Variants in PDGFC observed in about 807,000 individuals in gnomAD.
PDGFC encodes the protein platelet derived growth factor C, also known as platelet-derived growth factor C.
A neutral mutation model predicts 35.5 loss-of-function variants in PDGFC; 12 were observed. That is an observed-to-expected ratio of 0.34 (90% CI 0.22 to 0.55). The LOEUF is 0.55. Ranked by LOEUF, PDGFC falls within the 20% of genes least tolerant of loss-of-function variation. The probability of loss-of-function intolerance (pLI) is 0.91; values close to 1 mark genes in which losing one functional copy is unlikely to be tolerated. For synonymous variants in PDGFC, 159 were observed against 148.8 expected, an observed-to-expected ratio of 1.07 and a Z score of -0.50; for missense variants, 322 against 412.4, an observed-to-expected ratio of 0.78 and a Z score of 1.90.
At chr4:156,773,377 T>A (rs893270302) in intron 3 of PDGFC, among the ~76,000 whole-genome samples, 13 of 152,156 alleles carry the variant, frequency 8.5e-5, no homozygotes, top group African/African-American at 1.9e-4. Context: ...AAGAACTTAT[T>A]AATCAAGATA....
At chr4:156,907,568 T>C (rs1730944312) in intron 1 of PDGFC, among the ~76,000 whole-genome samples, 2 of 152,160 alleles carry the variant, frequency 1.3e-5, no homozygotes, top group Non-Finnish European at 1.5e-5. Flanking sequence ...GTCCTCATGG[T>C]TGAAAAGAAT....
At chr4:156,894,658 A>C (rs2111203055) in intron 1 of PDGFC, among the ~76,000 whole-genome samples, 1 of 152,338 alleles carries the variant, frequency 6.6e-6, no homozygotes, top group Non-Finnish European at 1.5e-5. Flanking sequence ...GTTAAATAGA[A>C]GATAAAATTG....
chr4:156,888,406 T>C (rs1338939154), intron 1 of PDGFC, among the ~76,000 whole-genome samples: 1 of 152,226 alleles, frequency 6.6e-6, no homozygotes, highest in Non-Finnish European at 1.5e-5. Context: ...GCAATTACAA[T>C]TTAATTTAGT....
intron 3 of PDGFC, chr4:156,774,347 G>A (rs965299383): frequency 1.3e-4 from 20 of 152,142 alleles, no homozygotes; most frequent in African/African-American, 4.3e-4. Context: ...CTCTCCCCCC[G>A]TTGATCCACA....
At chr4:156,930,049 T>C (rs752441636) in intron 1 of PDGFC, among the ~76,000 whole-genome samples, 2 of 152,240 alleles carry the variant, frequency 1.3e-5, no homozygotes, top group Non-Finnish European at 2.9e-5. Flanking sequence ...CTGGATTGAT[T>C]TGTCATTAGA....
At chr4:156,937,623 C>A (rs994813284) in intron 1 of PDGFC, among the ~76,000 whole-genome samples, 8 of 152,044 alleles carry the variant, frequency 5.3e-5, no homozygotes, top group Admixed American at 3.3e-4. Context: ...TCACATGAGC[C>A]CCAGGAGGTT....
chr4:156,826,550 G>A (rs995559386), intron 2 of PDGFC, among the ~76,000 whole-genome samples: 3 of 152,072 alleles, frequency 2.0e-5, no homozygotes, highest in African/African-American at 7.2e-5. Flanking sequence ...AGGTGAAGAT[G>A]AGTCAAATTT....
chr4:156,939,273 T>G (rs568455343), intron 1 of PDGFC, among the ~76,000 whole-genome samples: 1 of 152,220 alleles, frequency 6.6e-6, no homozygotes, highest in South Asian at 2.1e-4. Flanking sequence ...TATCTTACAT[T>G]GTATTATACA....
At chr4:156,867,330 TAC>T (rs1729868656) in intron 1 of PDGFC, among the ~76,000 whole-genome samples, 1 of 152,336 alleles carries the variant, frequency 6.6e-6, no homozygotes, top group Admixed American at 6.5e-5. Flanking sequence ...GCTCTACACA[TAC>T]CAGTGCAATC....
chr4:156,809,383 G>A (rs559268519), intron 3 of PDGFC, among the ~76,000 whole-genome samples: 1 of 152,120 alleles, frequency 6.6e-6, no homozygotes, highest in South Asian at 2.1e-4. Flanking sequence ...TCTTAGCCAA[G>A]AGGATGGATG....
intron 3 of PDGFC, among the ~76,000 whole-genome samples, chr4:156,800,726 T>C (rs1731581271): frequency 1.3e-5 from 2 of 152,170 alleles, no homozygotes; most frequent in African/African-American, 4.8e-5. Flanking sequence ...ACATGCTAAA[T>C]AGCTCATCAA....
intron 2 of PDGFC, among the ~76,000 whole-genome samples, chr4:156,848,841 G>A (rs1275117988): frequency 1.3e-5 from 2 of 151,902 alleles, no homozygotes; most frequent in African/African-American, 4.8e-5. Context: ...GTGTCACATG[G>A]CTCTCTTGGT....
rs149696402 is a variant in PDGFC at position 156,850,683 on chromosome 4, C to G, written c.119-267G>C. ...TAATTACTGAAACGTCAACTACAAA[C>G]TCTTTTGGAGTCCTAAAATCACAAT... On this transcript the variant is annotated intron_variant, in intron 1 of 5. Coordinates refer to ENST00000502773, the MANE Select transcript of PDGFC (RefSeq NM_016205.3). Among the ~76,000 whole-genome samples, 131 of 152,212 alleles carry G rather than the reference C, an allele frequency of 8.6e-4. 2 individuals are homozygous for G. The East Asian group carries it at 0.023, about 26-fold the overall frequency.
intron 2 of PDGFC, among the ~76,000 whole-genome samples, chr4:156,813,146 T>G (rs1731986248): frequency 6.6e-6 from 1 of 152,042 alleles, no homozygotes; most frequent in South Asian, 2.1e-4. Flanking sequence ...GCAGAAACGT[T>G]GATAATCATC....
In PDGFC at chr4:156,953,933, T is replaced by C. The variant is rs1463734273; in HGVS notation, c.118+16853A>G. ...CACTAAATGCCATTCCTTCTCATTC[T>C]GGCTGACTTCAAATATGAATATAAA... On this transcript the variant is annotated intron_variant, in intron 1 of 5. Coordinates refer to ENST00000502773, the MANE Select transcript of PDGFC (RefSeq NM_016205.3). Among the ~76,000 whole-genome samples, 3 of 152,000 alleles carry C rather than the reference T, an allele frequency of 2.0e-5. No individual in the cohort carries two copies. The East Asian group carries it at 5.8e-4, about 29-fold the overall frequency.
chr4:156,872,975 A>C (rs2111148650), intron 1 of PDGFC, among the ~76,000 whole-genome samples: 1 of 152,182 alleles, frequency 6.6e-6, no homozygotes, highest in Middle Eastern at 3.4e-3. Context: ...ACTGTAAATA[A>C]ATAAAATATC....
chr4:156,817,310 T>G (rs1732114095), intron 2 of PDGFC, among the ~76,000 whole-genome samples: 2 of 152,158 alleles, frequency 1.3e-5, no homozygotes, highest in South Asian at 4.1e-4. Context: ...AACAAAAAGC[T>G]GATTCTCAAC....
intron 1 of PDGFC, among the ~76,000 whole-genome samples, chr4:156,952,101 A>C (rs1560888282): frequency 1.3e-5 from 2 of 151,860 alleles, no homozygotes; most frequent in Non-Finnish European, 1.5e-5. Flanking sequence ...TATTTAGGCA[A>C]AGGAATGCAT....
At chr4:156,862,679 C>T (rs532039885) in intron 1 of PDGFC, among the ~76,000 whole-genome samples, 3 of 151,646 alleles carry the variant, frequency 2.0e-5, no homozygotes, top group African/African-American at 7.3e-5. Context: ...TTATAGTCAC[C>T]TTAATCACTT....
Sources: allele counts gnomAD v4.1 joint callset (sites outside exome capture counted in the v4.1 genomes callset), GRCh38; gene constraint gnomAD v4.1.1; transcripts MANE v1.5; gene names NCBI Gene and HGNC (gene_info 2026-07-23, HGNC 2026-07-21).